The following KCNQ5 variants were observed in gnomAD, a reference collection of about 807,000 sequenced individuals.
KCNQ5 encodes potassium voltage-gated channel subfamily KQT member 5.
KCNQ5 carries 30 observed loss-of-function variants against 98.2 expected under a neutral mutation model. The ratio of observed to expected loss-of-function variants is 0.31; its 90% CI spans 0.23 to 0.41. The LOEUF is 0.41. Ranked by LOEUF, KCNQ5 falls within the 10% of genes least tolerant of loss-of-function variation. KCNQ5 has a pLI of 1.00. For synonymous variants in KCNQ5, 458 were observed against 449.4 expected, an observed-to-expected ratio of 1.02 and a Z score of -0.24; for missense variants, 835 against 1,182.5, an observed-to-expected ratio of 0.71 and a Z score of 4.31.
chr6:72,712,870 A>G (rs559451354), intron 1 of KCNQ5, among the ~76,000 whole-genome samples: 61 of 152,338 alleles, frequency 4.0e-4, no homozygotes, highest in Non-Finnish European at 7.2e-4. Flanking sequence ...ACAATTTTAT[A>G]TCACCACCTG....
At chr6:72,677,878 T>A (rs1294538912) in intron 1 of KCNQ5, among the ~76,000 whole-genome samples, 1 of 152,198 alleles carries the variant, frequency 6.6e-6, no homozygotes, top group Non-Finnish European at 1.5e-5. Flanking sequence ...ATACCACATG[T>A]CTTAGGTGAT....
chr6:72,834,831 A>T (rs139732713), intron 1 of KCNQ5, among the ~76,000 whole-genome samples: 218 of 152,208 alleles, frequency 1.4e-3, no homozygotes, highest in African/African-American at 4.9e-3. Context: ...TCTCAGATGG[A>T]ATGTAGAAAA....
chr6:73,133,132 G>C (rs1035072392), intron 9 of KCNQ5, among the ~76,000 whole-genome samples: 1 of 151,930 alleles, frequency 6.6e-6, no homozygotes, highest in Non-Finnish European at 1.5e-5. Flanking sequence ...ACAGTTCTTA[G>C]TTATCTACAG....
At chr6:73,138,273 C>G (rs868801782) in intron 10 of KCNQ5, among the ~76,000 whole-genome samples, 4 of 152,152 alleles carry the variant, frequency 2.6e-5, no homozygotes, top group Middle Eastern at 3.2e-3. Flanking sequence ...TGGCAGATTG[C>G]AAGCGAGAAA....
chr6:72,813,813 T>A (rs1009139799), intron 1 of KCNQ5, among the ~76,000 whole-genome samples: 1 of 152,216 alleles, frequency 6.6e-6, no homozygotes, highest in African/African-American at 2.4e-5. Context: ...TTTACTATAT[T>A]TTTTATTTGT....
chr6:72,815,665 T>G (rs1171099819), intron 1 of KCNQ5, among the ~76,000 whole-genome samples: 1 of 152,180 alleles, frequency 6.6e-6, no homozygotes, highest in East Asian at 1.9e-4. Context: ...ATGATCAGAT[T>G]TAAGCGTCAG....
intron 1 of KCNQ5, among the ~76,000 whole-genome samples, chr6:72,886,978 A>C (rs1778869930): frequency 6.6e-6 from 1 of 152,202 alleles, no homozygotes; most frequent in African/African-American, 2.4e-5. Flanking sequence ...TCTAAAGACA[A>C]AAAAGAATGA....
intron 3 of KCNQ5, among the ~76,000 whole-genome samples, chr6:73,045,935 T>C (rs1055510753): frequency 1.3e-5 from 2 of 152,190 alleles, no homozygotes; most frequent in Non-Finnish European, 2.9e-5. Context: ...CTTATTGTTA[T>C]TTTAACAGTT....
intron 1 of KCNQ5, among the ~76,000 whole-genome samples, chr6:72,837,788 A>G (rs1304215920): frequency 7.3e-6 from 1 of 137,524 alleles, no homozygotes; most frequent in African/African-American, 2.5e-5. Flanking sequence ...TGTTATATAT[A>G]CATGTTATAT....
chr6:72,887,758 A>G (rs1339286886), intron 1 of KCNQ5, among the ~76,000 whole-genome samples: 5 of 152,130 alleles, frequency 3.3e-5, no homozygotes, highest in Non-Finnish European at 2.9e-5. Context: ...CTAAAATTAT[A>G]GAGTCCAAGA....
intron 1 of KCNQ5, among the ~76,000 whole-genome samples, chr6:72,677,785 A>G (rs940357394): frequency 4.6e-5 from 7 of 152,232 alleles, no homozygotes; most frequent in Non-Finnish European, 8.8e-5. Flanking sequence ...ATGTAACTCT[A>G]TTGAACTATA....
At chr6:72,658,072 G>A (rs1188057290) in intron 1 of KCNQ5, among the ~76,000 whole-genome samples, 2 of 149,254 alleles carry the variant, frequency 1.3e-5, no homozygotes, top group African/African-American at 5.2e-5. Context: ...AAGTTCTCCT[G>A]AAACTCTTGA....
chr6:72,644,221 T>C (rs960028794), intron 1 of KCNQ5, among the ~76,000 whole-genome samples: 1 of 152,198 alleles, frequency 6.6e-6, no homozygotes, highest in Admixed American at 6.5e-5. Flanking sequence ...AACATTTTCA[T>C]CAATGGATCA....
intron 5 of KCNQ5, among the ~76,000 whole-genome samples, chr6:73,086,846 A>G (rs561229100): frequency 6.6e-6 from 1 of 152,296 alleles, no homozygotes; most frequent in Non-Finnish European, 1.5e-5. Context: ...CCAATGAGGG[A>G]GTATTTTGGA....
At chr6:73,008,870 A>T (rs1769933745) in intron 2 of KCNQ5, among the ~76,000 whole-genome samples, 1 of 152,228 alleles carries the variant, frequency 6.6e-6, no homozygotes, top group Non-Finnish European at 1.5e-5. Context: ...ATTTTAAAAG[A>T]TGGATACCAC....
intron 3 of KCNQ5, among the ~76,000 whole-genome samples, chr6:73,070,028 A>G (rs1432888507): frequency 6.6e-6 from 1 of 152,180 alleles, no homozygotes; most frequent in East Asian, 1.9e-4. Context: ...ATACTATGGA[A>G]GCAGAATCAA....
chr6:72,627,082 T>C (rs980845012), intron 1 of KCNQ5, among the ~76,000 whole-genome samples: 6 of 152,182 alleles, frequency 3.9e-5, no homozygotes, highest in Non-Finnish European at 8.8e-5. Context: ...AGGCACAGTC[T>C]ATTTCCAACC....
intron 1 of KCNQ5, among the ~76,000 whole-genome samples, chr6:72,665,269 A>T (rs764153307): frequency 3.3e-5 from 5 of 149,324 alleles, no homozygotes; most frequent in Non-Finnish European, 7.4e-5. Flanking sequence ...AATCACTTGA[A>T]CCTGGGAGAC....
chr6:73,110,272 C>G (rs1299414707), intron 6 of KCNQ5, among the ~76,000 whole-genome samples: 4 of 152,160 alleles, frequency 2.6e-5, no homozygotes, highest in African/African-American at 9.7e-5. Context: ...TTGAAAGCAG[C>G]AGAGCTCCCA....
Sources: gnomAD v4.1 joint callset for allele counts (sites outside exome capture counted in the v4.1 genomes callset) on GRCh38, gnomAD v4.1.1 for gene constraint, MANE v1.5 for transcripts, NCBI Gene and HGNC (gene_info 2026-07-23, HGNC 2026-07-21) for gene names.